The following PDE6G variants were observed in gnomAD, a reference collection of about 807,000 sequenced individuals.
The protein encoded by PDE6G is phosphodiesterase 6G, also known as rod cGMP 3',5'-cyclic phosphodiesterase subunit gamma.
PDE6G carries 10 observed loss-of-function variants against 10.9 expected under a neutral mutation model. The observed-to-expected ratio is 0.91, with a 90% CI of 0.56 to 1.55. The LOEUF (loss-of-function observed/expected upper bound fraction) is 1.55, where lower values mean the gene tolerates loss of function less well. Ranked by LOEUF, PDE6G falls within the 40% of genes most tolerant of loss-of-function variation. The pLI is 0.00. For synonymous variants in PDE6G, 41 were observed against 42.8 expected (o/e 0.96, Z 0.16); for missense variants, 102 against 110.1 (o/e 0.93, Z 0.33).
chr17:81,654,642 AAAGTGC>A (rs979108790), intron 1 of PDE6G, among the ~76,000 whole-genome samples: 1 of 151,974 alleles, frequency 6.6e-6, no homozygotes, highest in African/African-American at 2.4e-5. Flanking sequence ...TCGGCCTCCC[AAAGTGC>A]AGGGATTACA....
In PDE6G at chr17:81,651,094, C is replaced by T. The variant is rs2036344987; in HGVS notation, c.244G>A (p.Ala82Thr). The T allele has an allele frequency of 6.2e-7, 1 of 1,613,582 alleles. No homozygotes were observed. Among genetic ancestry groups the T allele is most frequent in the Non-Finnish European group, 8.5e-7 (1 of 1,179,564 alleles). ...AFNHLELHEL[A>T]QYGII ...TCGTGCTAGATGATGCCATATTGGG[C>T]CAGCTCGTGCAGCTCCAGGTGGTTG... The change falls in exon 4 of 4, where the codon GCC (alanine) becomes ACC (threonine). Residue 82 changes from alanine to threonine, a missense_variant. By Grantham distance (58) the Ala-to-Thr change is moderately conservative. Transcript: ENST00000331056. This position sits in a 1 kb window ranked among gnomAD's most constrained non-coding sequence, Gnocchi z 4.8.
intron 2 of PDE6G, among the ~76,000 whole-genome samples, chr17:81,652,180 G>A (rs1449071067): frequency 5.3e-5 from 8 of 151,348 alleles, no homozygotes; most frequent in East Asian, 1.9e-4. Flanking sequence ...GACACTCCTC[G>A]GTGCACTGAT....
chr17:81,651,626 G>T lies in PDE6G; in HGVS notation c.187+19C>A. The T allele has an allele frequency of 6.2e-7, 1 of 1,613,418 alleles. No individual in the cohort carries two copies. The highest frequency in any genetic ancestry group is 8.5e-7 in the Non-Finnish European group (1 of 1,179,478). Reference sequence around the variant, plus strand: ...GGGGACCTGGGCAGACCTCGGGTTGGTACTGGCAGCCGTCATACCTGTTCC... The same window carrying T: ...GGGGACCTGGGCAGACCTCGGGTTGTTACTGGCAGCCGTCATACCTGTTCC... On this transcript the variant is annotated intron_variant, in intron 3 of 3. Coordinates refer to ENST00000331056, the MANE Select transcript of PDE6G (RefSeq NM_002602.4). This position sits in a 1 kb window ranked among gnomAD's most constrained non-coding sequence, Gnocchi z 4.8.
intron 1 of PDE6G, among the ~76,000 whole-genome samples, chr17:81,661,685 G>T (rs12942988): frequency 6.6e-6 from 1 of 151,868 alleles, no homozygotes; most frequent in African/African-American, 2.4e-5. Context: ...GATGGTGAAA[G>T]CCCGTTGCTA....
At position 81,653,111 on chromosome 17, in the gene PDE6G, C is replaced by T; in HGVS notation, c.146+49G>A. 1 of 1,608,318 alleles carries T rather than the reference C, an allele frequency of 6.2e-7. No individual in the cohort carries two copies. The highest frequency in any genetic ancestry group is 8.5e-7 in the Non-Finnish European group (1 of 1,175,334). ...CCGCCCTCCCCTTCCTGTGCAGCCTCAGGACCGCCTCCTCCCTTTCAGAGG... is the reference window on the plus strand; with the variant it reads ...CCGCCCTCCCCTTCCTGTGCAGCCTTAGGACCGCCTCCTCCCTTTCAGAGG... On this transcript the variant is annotated intron_variant, in intron 2 of 3. Transcript: ENST00000331056. This position sits in a 1 kb window ranked among gnomAD's most constrained non-coding sequence, Gnocchi z 5.2.
Position 81,651,811 on chromosome 17 carries a change from C to T in PDE6G, c.147-126G>A. On this transcript the variant is annotated intron_variant, in intron 2 of 3. Coordinates refer to ENST00000331056, the MANE Select transcript of PDE6G (RefSeq NM_002602.4). This position sits in a 1 kb window ranked among gnomAD's most constrained non-coding sequence, Gnocchi z 4.8. ...TGGCTGGGAGCCCAGTGGGCAGAGA[C>T]CCGCCTCCTCCCCAACCTCCCAGGG... 2.1e-6 allele frequency: 2 copies of T among 954,982 alleles called. No homozygotes were observed. The highest frequency in any genetic ancestry group is 3.3e-6 in the Non-Finnish European group (2 of 610,826). The allele number at this position is 954,982 out of a possible 1,614,324, so 59.2% of individuals were successfully genotyped here. A position where few individuals can be genotyped will look rare whatever the true frequency, so the allele number is the denominator to read the frequency against.
chr17:81,659,777 C>T (rs932609293), upstream of PDE6G, among the ~76,000 whole-genome samples: 1 of 152,194 alleles, frequency 6.6e-6, no homozygotes, highest in East Asian at 1.9e-4. Context: ...TTGGAAGTTA[C>T]TTATGTTTAC....
rs748705544 is a variant in PDE6G at position 81,651,086 on chromosome 17, A to G, written c.252T>C (p.Tyr84=). The change falls in exon 4 of 4, where the codon TAT becomes TAC. Residue 84 remains tyrosine (Y), a synonymous_variant. Transcript: ENST00000331056. The surrounding 1 kb of genome is among the most constrained non-coding windows in gnomAD (Gnocchi z 4.8). ...GCAGGGCCTCGTGCTAGATGATGCC[A>G]TATTGGGCCAGCTCGTGCAGCTCCA... ...NHLELHELAQ[Y]GII is the part of the protein sequence containing the mutation. 6.2e-7 allele frequency: 1 copy of G among 1,612,982 alleles called. No homozygotes were observed. Among genetic ancestry groups the G allele is most frequent in the Middle Eastern group, 1.6e-4 (1 of 6,062 alleles).
At chr17:81,658,513 A>C (rs2036477824), upstream of PDE6G, among the ~76,000 whole-genome samples, 1 of 150,794 alleles carries the variant, frequency 6.6e-6, no homozygotes, top group African/African-American at 2.4e-5. Flanking sequence ...GAGAGACCCT[A>C]TCTCTGAAGA....
chr17:81,657,798 G>A (rs1395195799), upstream of PDE6G, among the ~76,000 whole-genome samples: 1 of 151,882 alleles, frequency 6.6e-6, no homozygotes, highest in African/African-American at 2.4e-5. Flanking sequence ...GGAGAATGGC[G>A]TGAACCCGGG....
At chr17:81,656,777 A>C, upstream of PDE6G, 1 of 622,890 alleles carries the variant, frequency 1.6e-6, no homozygotes, top group Non-Finnish European at 2.9e-6. Context: ...GCAGCTGCCC[A>C]TCTTCCAGAT....
rs779537639 is a variant in PDE6G at position 81,651,553 on chromosome 17, G to A, written c.187+92C>T. The A allele has an allele frequency of 4.5e-5, 52 of 1,168,538 alleles. No individual in the cohort carries two copies. Among genetic ancestry groups the A allele is most frequent in the Non-Finnish European group, 6.7e-5 (52 of 777,690 alleles). 72.4% of individuals were successfully genotyped at this position (1,168,538 alleles called of 1,614,324 possible). On this transcript the variant is annotated intron_variant, in intron 3 of 3. Coordinates refer to ENST00000331056, the MANE Select transcript of PDE6G (RefSeq NM_002602.4). The surrounding 1 kb of genome is among the most constrained non-coding windows in gnomAD (Gnocchi z 4.8). ...CCTAAGTGAAAAGCAGGGGAGGTGG[G>A]GGCCGAGGTGGGCTGCAATGGGCCC...
rs2036343609 is a variant in PDE6G, at chr17:81,651,035, G to A, written c.*39C>T. The A allele has an allele frequency of 2.1e-6, 3 of 1,433,594 alleles. No individual in the cohort carries two copies. Among genetic ancestry groups the A allele is most frequent in the African/African-American group, 2.8e-5 (2 of 71,252 alleles). The allele number at this position is 1,433,594 out of a possible 1,614,324, so 88.8% of individuals were successfully genotyped here. ...CTGAGCAGGGTTTAGAGCACAGTGG[G>A]CAGGAGGGGGAGGGTCTGGACTTCA... On this transcript the variant is annotated 3_prime_UTR_variant, in exon 4 of 4. Coordinates refer to ENST00000331056, the MANE Select transcript of PDE6G (RefSeq NM_002602.4). The surrounding 1 kb of genome is among the most constrained non-coding windows in gnomAD (Gnocchi z 4.8).
In PDE6G at chr17:81,653,469, C is replaced by T; in HGVS notation, c.-59-105G>A. On this transcript the variant is annotated intron_variant, in intron 1 of 3. Coordinates refer to ENST00000331056, the MANE Select transcript of PDE6G (RefSeq NM_002602.4). The surrounding 1 kb of genome is among the most constrained non-coding windows in gnomAD (Gnocchi z 5.2). The stretch of plus-strand genomic sequence containing the variant: ...GGCTGAGACCCAGCCCCGCCAGCTC[C>T]AGCGTCATCCAGACAGCAGCCCCTG... 1.4e-6 allele frequency: 1 copy of T among 725,272 alleles called. No homozygotes were observed. The highest frequency in any genetic ancestry group is 1.8e-5 in the African/African-American group (1 of 56,608). The allele number at this position is 725,272 out of a possible 1,614,324, so 44.9% of individuals were successfully genotyped here.
At chr17:81,661,947 C>G (rs2036516262) in intron 1 of PDE6G, among the ~76,000 whole-genome samples, 1 of 151,344 alleles carries the variant, frequency 6.6e-6, no homozygotes, top group Admixed American at 6.6e-5. Context: ...AGGAGAATCA[C>G]TTAATCCCGG....
At chr17:81,661,007 T>G (rs1281031385), upstream of PDE6G, among the ~76,000 whole-genome samples, 2 of 152,198 alleles carry the variant, frequency 1.3e-5, no homozygotes, top group Non-Finnish European at 2.9e-5. Context: ...CCGTCTTGAC[T>G]TCCTGGCCCA....
chr17:81,662,792 A>C (rs1568193014), intron 1 of PDE6G, among the ~76,000 whole-genome samples: 2 of 152,144 alleles, frequency 1.3e-5, no homozygotes, highest in East Asian at 3.9e-4. Context: ...TGAGCCTAGG[A>C]GTTCAAGACC....
rs1192586245 is a variant in PDE6G, at chr17:81,651,113, G to C, written c.225C>G (p.His75Gln). The C allele has an allele frequency of 1.2e-6, 2 of 1,613,950 alleles. No individual in the cohort carries two copies. Among genetic ancestry groups the C allele is most frequent in the Admixed American group, 3.3e-5 (2 of 60,022 alleles). Residue 75 changes from histidine to glutamine, a missense_variant, in exon 4 of 4, where the codon CAC (histidine) becomes CAG (glutamine). Transcript: ENST00000331056. This position sits in a 1 kb window ranked among gnomAD's most constrained non-coding sequence, Gnocchi z 4.8. ...TVICPWEAFN[H>Q]LELHELAQYG... Reference sequence around the variant, plus strand: ...ATTGGGCCAGCTCGTGCAGCTCCAGGTGGTTGAAGGCCTCCCAAGGGCAGA... The same window carrying C: ...ATTGGGCCAGCTCGTGCAGCTCCAGCTGGTTGAAGGCCTCCCAAGGGCAGA...
intron 1 of PDE6G, among the ~76,000 whole-genome samples, chr17:81,655,847 A>G (rs2036439037): frequency 6.6e-6 from 1 of 152,156 alleles, no homozygotes; most frequent in South Asian, 2.1e-4. Flanking sequence ...GTGATCAGAA[A>G]GCAAGGGCAG....
Sources: allele counts gnomAD v4.1 joint callset (sites outside exome capture counted in the v4.1 genomes callset), GRCh38; gene constraint gnomAD v4.1.1; non-coding constraint Gnocchi (gnomAD v3.1); transcripts MANE v1.5; gene names NCBI Gene and HGNC (gene_info 2026-07-23, HGNC 2026-07-21).